The following L1CAM variants were observed in gnomAD, a reference collection of about 807,000 sequenced individuals.
L1CAM encodes L1 cell adhesion molecule, also known as neural cell adhesion molecule L1.
A neutral mutation model predicts 93.0 loss-of-function variants in L1CAM; 8 were observed. The ratio of observed to expected loss-of-function variants is 0.09; its 90% CI spans 0.05 to 0.16. The LOEUF is 0.16. Among genes scored for constraint, L1CAM ranks in the 10% least tolerant of loss-of-function variants. L1CAM has a pLI of 1.00. For synonymous variants in L1CAM, 453 were observed against 453.0 expected (o/e 1.00, Z 0.00); for missense variants, 777 against 1,073.4 (o/e 0.72, Z 3.86).
intron 2 of L1CAM, 106 bp downstream of exon 2, chrX:153,875,655 G>A (rs1557094339): frequency 1.4e-6 from 1 of 733,288 alleles, no homozygotes; most frequent in African/African-American, 2.0e-5. Context: ...AAAGGCCAGG[G>A]AGAGGAGTCA....
chrX:153,872,924 G>A lies in L1CAM; in HGVS notation c.92-227C>T. The A allele has an allele frequency of 6.6e-6, 3 of 452,424 alleles. No homozygotes were observed. The South Asian group carries it at 9.8e-5, about 15-fold the overall frequency. 37.3% of individuals were successfully genotyped at this position (452,424 alleles called of 1,213,427 possible). A position where few individuals can be genotyped will look rare whatever the true frequency, so the allele number is the denominator to read the frequency against. ...AGAGATGCCTGAGAAAGACAAAAAG[G>A]GTATGACAGAAAGAAGCGGGGGCAA... On this transcript the variant is annotated intron_variant, in intron 3 of 28. Coordinates refer to ENST00000370060, the MANE Select transcript of L1CAM (RefSeq NM_001278116.2).
rs1451514159 is a variant in L1CAM at position 153,867,177 on chromosome X, C to T, written c.2138-53G>A. 3.0e-5 allele frequency: 33 copies of T among 1,084,531 alleles called. No homozygotes were observed. In the African/African-American group the frequency reaches 4.6e-4, roughly 15 times the overall value. 89.4% of individuals were successfully genotyped at this position (1,084,531 alleles called of 1,213,427 possible). A position where few individuals can be genotyped will look rare whatever the true frequency, so the allele number is the denominator to read the frequency against. On this transcript the variant is annotated intron_variant, in intron 17 of 28. Transcript: ENST00000370060. ...TGCTGCAGCCTCTTTTGGAGAGCCA[C>T]GAGGACCGAGGGCCAAGGAACAAAT...
intron 2 of L1CAM, chrX:153,875,542 C>T (rs192561019): frequency 2.0e-6 from 1 of 501,217 alleles, no homozygotes; most frequent in Admixed American, 2.7e-5. Context: ...GCGGCCGCGC[C>T]TGTCCCTGTC....
chrX:153,867,291 A>T, intron 17 of L1CAM, 65 bp downstream of exon 17: 1 of 1,075,731 alleles, frequency 9.3e-7, no homozygotes, highest in African/African-American at 1.8e-5. Flanking sequence ...CACCTCTCTA[A>T]GCCCTCCCTT....
chrX:153,881,977 T>A (rs2064847089), intron 1 of L1CAM, among the ~76,000 whole-genome samples: 1 of 111,654 alleles, frequency 9.0e-6, no homozygotes, highest in East Asian at 2.8e-4. Context: ...TGCATCCAGT[T>A]CCTGGGGCTG....
At chrX:153,885,931 G>T in intron 1 of L1CAM, 134 bp downstream of exon 1, 1 of 807,705 alleles carries the variant, frequency 1.2e-6, no homozygotes, top group South Asian at 3.7e-5. Context: ...GTGGGGCTCC[G>T]GCAGCAACGC....
In L1CAM at chrX:153,866,747, G is replaced by A. The variant is rs1183455686; in HGVS notation, c.2333C>T (p.Thr778Met). 1.3e-5 allele frequency: 16 copies of A among 1,211,210 alleles called. No individual in the cohort carries two copies. Among genetic ancestry groups the A allele is most frequent in the South Asian group, 1.8e-5 (1 of 56,975 alleles). ...GATCTCATAGGGCACGAAGGTGGAC[G>A]TGTTGGACACCACCAGGAAGGGGTC... ...VSDPFLVVSN[T>M]STFVPYEIKV... Residue 778 changes from threonine (T) to methionine (M), a missense_variant, in exon 19 of 29, where the codon ACG (threonine) becomes ATG (methionine). Coordinates refer to ENST00000370060, the MANE Select transcript of L1CAM (RefSeq NM_001278116.2).
chrX:153,872,184 G>A lies in L1CAM; in HGVS notation c.368C>T (p.Ala123Val). The part of the protein sequence containing the change: ...RCFASNKLGT[A>V]MSHEIRLMAE... ...CATGAGCCGGATCTCATGGGACATG[G>A]CGGTGCCCAGCTTATTGCTGGCAAA... The change falls in exon 5 of 29, where the codon GCC (alanine) becomes GTC (valine). Residue 123 changes from alanine (A) to valine (V), a missense_variant. Coordinates refer to ENST00000370060, the MANE Select transcript of L1CAM (RefSeq NM_001278116.2). The A allele has an allele frequency of 8.3e-7, 1 of 1,209,830 alleles. No homozygotes were observed. Among genetic ancestry groups the A allele is most frequent in the Non-Finnish European group, 1.1e-6 (1 of 894,552 alleles).
chrX:153,872,535 G>T, intron 4 of L1CAM, 57 bp downstream of exon 4: 1 of 1,023,572 alleles, frequency 9.8e-7, no homozygotes, highest in Non-Finnish European at 1.4e-6. Flanking sequence ...GTCCAGGGAG[G>T]CACAAGGCCG....
chrX:153,879,037 C>T (rs1372197251), intron 1 of L1CAM, among the ~76,000 whole-genome samples: 5 of 111,369 alleles, frequency 4.5e-5, no homozygotes, highest in African/African-American at 1.6e-4. Context: ...CCCACTGCTG[C>T]TGGGTCTCTG....
At chrX:153,869,179 C>T in intron 11 of L1CAM, 1 of 452,567 alleles carries the variant, frequency 2.2e-6, no homozygotes, top group South Asian at 3.2e-5. Context: ...TACGTTATTC[C>T]AGGCCTAACT....
Position 153,868,144 on chromosome X carries a change from C to A in L1CAM, c.1704-22G>T, listed in dbSNP as rs782002968. 4.1e-6 allele frequency: 5 copies of A among 1,210,332 alleles called. No homozygotes were observed. In the South Asian group the frequency reaches 8.8e-5, roughly 21 times the overall value. On this transcript the variant is annotated intron_variant, in intron 14 of 28. Transcript: ENST00000370060. Reference sequence around the variant, plus strand: ...GTACCTGCGGAGGAGCCGTGTCTGTCTTTCCTGCCATCTGGGCTCTTCTCC... The same window carrying A: ...GTACCTGCGGAGGAGCCGTGTCTGTATTTCCTGCCATCTGGGCTCTTCTCC...
At chrX:153,870,012 C>T in intron 9 of L1CAM, 44 bp downstream of exon 9, 3 of 1,209,936 alleles carry the variant, frequency 2.5e-6, no homozygotes, top group Non-Finnish European at 3.4e-6. Flanking sequence ...TCCCCTCCCC[C>T]ATGACAGTGG....
chrX:153,869,692 C>T, intron 10 of L1CAM, 29 bp from the exon 11 acceptor site: 2 of 1,204,630 alleles, frequency 1.7e-6, no homozygotes, highest in Non-Finnish European at 2.2e-6. Flanking sequence ...GGCCCATGGG[C>T]CACAGCCCGG....
Position 153,868,702 on chromosome X carries a change from G to A in L1CAM, c.1405C>T (p.Leu469Phe), listed in dbSNP as rs1458461378. The change falls in exon 13 of 29, where the codon CTT becomes TTT. Residue 469 changes from leucine to phenylalanine, a missense_variant. Coordinates refer to ENST00000370060, the MANE Select transcript of L1CAM (RefSeq NM_001278116.2). ...QWLDEDGTTV[L>F]QDERFFPYAN... ...TAGGGGAAGAAGCGTTCGTCCTGAAGCACTGTTGTCCCATCCTCGTCCAGC... is the reference window on the plus strand; with the variant it reads ...TAGGGGAAGAAGCGTTCGTCCTGAAACACTGTTGTCCCATCCTCGTCCAGC... 21 of 1,210,441 alleles carry A rather than the reference G, an allele frequency of 1.7e-5. No homozygotes were observed. Among genetic ancestry groups the A allele is most frequent in the Admixed American group, 4.4e-5 (2 of 45,911 alleles).
At chrX:153,873,345 C>A (rs967471010) in intron 2 of L1CAM, 103 bp from the exon 3 acceptor site, 73 of 873,942 alleles carry the variant, frequency 8.4e-5, no homozygotes, top group Middle Eastern at 5.4e-4. Flanking sequence ...CTCCTGCAGC[C>A]CCCCCGTGGA....
In L1CAM at chrX:153,878,226, C is replaced by T. The variant is rs142430011; in HGVS notation, c.-108-2282G>A. 1.3e-3 allele frequency among the ~76,000 whole-genome samples: 145 copies of T among 112,682 alleles called. 2 individuals are homozygous for T. In the East Asian group the frequency reaches 0.032, roughly 25 times the overall value. ...GGGCACCGAGCCTCAGCAGGAACAC[C>T]GAAAGGATGGTAGAGAAGTCAGCCA... On this transcript the variant is annotated intron_variant, in intron 1 of 28. Transcript: ENST00000370060.
At position 153,870,853 on chromosome X, in the gene L1CAM, C is replaced by A. The variant is rs202000092; in HGVS notation, c.631G>T (p.Ala211Ser). 1 of 1,210,830 alleles carries A rather than the reference C, an allele frequency of 8.3e-7. No individual in the cohort carries two copies. Residue 211 changes from alanine (A) to serine (S), a missense_variant, in exon 7 of 29, where the codon GCC (alanine) becomes TCC (serine). Physicochemically the swap from Ala to Ser is moderately conservative, Grantham distance 99. Coordinates refer to ENST00000370060, the MANE Select transcript of L1CAM (RefSeq NM_001278116.2). ...ATGGTCCTGGTGCCTGGGAAGTGGG[C>A]GTGGCAGATGTAGTCTGAGTGGTTG... ...SDNHSDYICH[A>S]HFPGTRTIIQ... is the part of the protein sequence containing the mutation.
chrX:153,868,540 A>G lies in L1CAM; in HGVS notation c.1546+21T>C. ...CTCCCTCCCAGAGGCACTGCCAGCC[A>G]TGTGGCAAGGGTTGCCTGACCTTTA... On this transcript the variant is annotated intron_variant, in intron 13 of 28. Coordinates refer to ENST00000370060, the MANE Select transcript of L1CAM (RefSeq NM_001278116.2). 2.5e-6 allele frequency: 3 copies of G among 1,212,189 alleles called. No homozygotes were observed. In the South Asian group the frequency reaches 5.3e-5, roughly 21 times the overall value.
Sources: gnomAD v4.1 joint callset for allele counts (sites outside exome capture counted in the v4.1 genomes callset) on GRCh38, gnomAD v4.1.1 for gene constraint, MANE v1.5 for transcripts, NCBI Gene and HGNC (gene_info 2026-07-23, HGNC 2026-07-21) for gene names.